CHD9: variants seen among roughly 807,000 people sequenced by gnomAD.
The protein encoded by CHD9 is ATP-dependent chromatin remodeler CHD9.
In CHD9, 77 loss-of-function variants were observed where a neutral mutation model predicts 316.1. That is an observed-to-expected ratio of 0.24 (90% CI 0.20 to 0.29). The LOEUF (loss-of-function observed/expected upper bound fraction) is 0.29, where lower values mean the gene tolerates loss of function less well. Ranked by LOEUF, CHD9 falls within the 10% of genes least tolerant of loss-of-function variation. CHD9 has a pLI of 1.00. For missense variants in CHD9, 2,763 were observed against 3,438.1 expected, an observed-to-expected ratio of 0.80 and a Z score of 4.91; for synonymous variants, 1,129 against 1,158.3, an observed-to-expected ratio of 0.97 and a Z score of 0.51.
At chr16:53,308,278 G>A (rs2056164037) in intron 33 of CHD9, among the ~76,000 whole-genome samples, 1 of 152,084 alleles carries the variant, frequency 6.6e-6, no homozygotes, top group Non-Finnish European at 1.5e-5. Context: ...TAAACATTTA[G>A]CATGCCCTGT....
At position 53,254,560 on chromosome 16, in the gene CHD9, A is replaced by G; in HGVS notation, c.3984A>G (p.Lys1328=). Reference sequence around the variant, plus strand: ...CCAGTTTGAAACTGGGCCTAGATAAAGCTGTGTTACAGAGCATGAGTGGAA... The same window carrying G: ...CCAGTTTGAAACTGGGCCTAGATAAGGCTGTGTTACAGAGCATGAGTGGAA... ...DRASLKLGLD[K]AVLQSMSGRE... Residue 1328 remains lysine, a synonymous_variant, in exon 18 of 39, where the codon AAA becomes AAG. Coordinates refer to ENST00000447540, the MANE Select transcript of CHD9 (RefSeq NM_001308319.2). The G allele has an allele frequency of 6.2e-7, 1 of 1,613,254 alleles. No individual in the cohort carries two copies. The highest frequency in any genetic ancestry group is 8.5e-7 in the Non-Finnish European group (1 of 1,179,482).
At position 53,304,072 on chromosome 16, in the gene CHD9, A is replaced by T; in HGVS notation, c.6066A>T (p.Ala2022=). Reference sequence around the variant, plus strand: ...CACTTCTACAGCAATATCAAGTAGCACTTTCTGCTTCTCCTCTTACCTCTC... The same window carrying T: ...CACTTCTACAGCAATATCAAGTAGCTCTTTCTGCTTCTCCTCTTACCTCTC... ...STPLLQQYQV[A]LSASPLTSLP... The change falls in exon 31 of 39, where the codon GCA becomes GCT. Residue 2022 remains alanine, a synonymous_variant. Coordinates refer to ENST00000447540, the MANE Select transcript of CHD9 (RefSeq NM_001308319.2). The T allele has an allele frequency of 6.2e-7, 1 of 1,614,054 alleles. No individual in the cohort carries two copies. The highest frequency in any genetic ancestry group is 8.5e-7 in the Non-Finnish European group (1 of 1,179,892).
At chr16:53,114,822 C>T (rs1476409633) in intron 1 of CHD9, among the ~76,000 whole-genome samples, 2 of 142,212 alleles carry the variant, frequency 1.4e-5, no homozygotes, top group East Asian at 2.3e-4. Context: ...CTCCTGACCT[C>T]GTGATCCGCC....
chr16:53,234,348 G>A (rs2048431774), intron 10 of CHD9, among the ~76,000 whole-genome samples: 1 of 152,010 alleles, frequency 6.6e-6, no homozygotes. Context: ...ATACTTGTTA[G>A]TGCCTGCAGT....
chr16:53,197,720 G>A (rs146457373), intron 2 of CHD9, among the ~76,000 whole-genome samples: 114 of 150,530 alleles, frequency 7.6e-4, no homozygotes, highest in African/African-American at 2.4e-3. Context: ...GCAGTGGTGC[G>A]ATCTCTGCGC....
At chr16:53,234,830 C>A (rs891398838) in intron 10 of CHD9, among the ~76,000 whole-genome samples, 50 of 151,926 alleles carry the variant, frequency 3.3e-4, no homozygotes, top group African/African-American at 1.2e-3. Context: ...AAAAACAAAA[C>A]CTACTTGGTC....
intron 1 of CHD9, among the ~76,000 whole-genome samples, chr16:53,108,617 G>A (rs1031265697): frequency 1.3e-5 from 2 of 152,030 alleles, no homozygotes; most frequent in East Asian, 1.9e-4. Flanking sequence ...GCTCACTCCT[G>A]TAATCCCAGC....
At chr16:53,284,958 G>T (rs573384091) in intron 24 of CHD9, among the ~76,000 whole-genome samples, 1 of 152,124 alleles carries the variant, frequency 6.6e-6, no homozygotes, top group African/African-American at 2.4e-5. Context: ...GTGGAGATGG[G>T]GTTTTGCCAC....
At chr16:53,283,928 T>C (rs1284575883) in intron 24 of CHD9, among the ~76,000 whole-genome samples, 1 of 152,164 alleles carries the variant, frequency 6.6e-6, no homozygotes, top group Admixed American at 6.5e-5. Context: ...TTTGTTTCCA[T>C]TTTTTTAATT....
intron 36 of CHD9, among the ~76,000 whole-genome samples, chr16:53,316,240 G>T (rs188484092): frequency 6.6e-6 from 1 of 152,080 alleles, no homozygotes; most frequent in African/African-American, 2.4e-5. Flanking sequence ...AAAATAATGG[G>T]AATCCTGAGT....
intron 2 of CHD9, among the ~76,000 whole-genome samples, chr16:53,188,751 C>G (rs150938314): frequency 3.8e-4 from 58 of 151,292 alleles, no homozygotes; most frequent in South Asian, 6.3e-4. Context: ...CTTGCCACCA[C>G]GCCTGGCTAA....
intron 19 of CHD9, among the ~76,000 whole-genome samples, chr16:53,262,734 G>T (rs1272952746): frequency 6.6e-6 from 1 of 152,076 alleles, no homozygotes; most frequent in Non-Finnish European, 1.5e-5. Flanking sequence ...AAAAGATTCA[G>T]TCCTTACCAA....
At chr16:53,154,803 A>G (rs1301497673) in intron 1 of CHD9, among the ~76,000 whole-genome samples, 1 of 152,082 alleles carries the variant, frequency 6.6e-6, no homozygotes. Context: ...CACCCATTCC[A>G]TCTGCAGCCT....
intron 1 of CHD9, among the ~76,000 whole-genome samples, chr16:53,062,457 A>G (rs1447492066): frequency 1.3e-5 from 2 of 152,180 alleles, no homozygotes; most frequent in Non-Finnish European, 2.9e-5. Context: ...ATAAAATATA[A>G]TAGGCCAGGT....
At chr16:53,149,852 C>T (rs1031198725) in intron 1 of CHD9, among the ~76,000 whole-genome samples, 2 of 151,558 alleles carry the variant, frequency 1.3e-5, no homozygotes, top group Admixed American at 6.6e-5. Flanking sequence ...TATGAGTCAC[C>T]GTGCAAGGCC....
At chr16:53,179,165 T>C (rs7500063) in intron 2 of CHD9, among the ~76,000 whole-genome samples, 47,864 of 152,070 alleles carry the variant, frequency 0.31, 7,716 homozygotes, top group Middle Eastern at 0.38. Context: ...AAATTGCAGT[T>C]ATCATGAGAC....
chr16:53,123,237 G>A (rs954756673), intron 1 of CHD9, among the ~76,000 whole-genome samples: 9 of 151,238 alleles, frequency 6.0e-5, no homozygotes, highest in African/African-American at 1.7e-4. Flanking sequence ...TACTTCAGTG[G>A]TTTCTAGTGT....
At chr16:53,253,652 T>A (rs895312828) in intron 17 of CHD9, among the ~76,000 whole-genome samples, 2 of 151,956 alleles carry the variant, frequency 1.3e-5, no homozygotes, top group Non-Finnish European at 2.9e-5. Context: ...TTGAAAAAAA[T>A]TTAGAAATTT....
intron 28 of CHD9, among the ~76,000 whole-genome samples, chr16:53,292,087 G>A (rs908170439): frequency 4.6e-5 from 7 of 152,080 alleles, no homozygotes; most frequent in Non-Finnish European, 1.5e-5. Flanking sequence ...CATTCTATGT[G>A]TACATTAAGA....
Sources: gnomAD v4.1 joint callset for allele counts (sites outside exome capture counted in the v4.1 genomes callset) on GRCh38, gnomAD v4.1.1 for gene constraint, MANE v1.5 for transcripts, NCBI Gene and HGNC (gene_info 2026-07-23, HGNC 2026-07-21) for gene names.